N4BP1: variants seen among roughly 807,000 people sequenced by gnomAD.
N4BP1 encodes NEDD4 binding protein 1, also known as NEDD4-binding protein 1.
A neutral mutation model predicts 70.9 loss-of-function variants in N4BP1; 21 were observed. The observed-to-expected ratio is 0.30, with a 90% CI of 0.21 to 0.43. The LOEUF is 0.43. Ranked by LOEUF, N4BP1 falls within the 20% of genes least tolerant of loss-of-function variation. The probability of loss-of-function intolerance (pLI) is 1.00; values close to 1 mark genes in which losing one functional copy is unlikely to be tolerated. For missense variants in N4BP1, 936 were observed against 1,069.4 expected (o/e 0.88, Z 1.74); for synonymous variants, 387 against 394.6 (o/e 0.98, Z 0.23).
rs1430066277 is a variant in N4BP1, at chr16:48,561,230, T to C, written c.1413A>G (p.Lys471=). 1 of 1,613,898 alleles carries C rather than the reference T, an allele frequency of 6.2e-7. No individual in the cohort carries two copies. Among genetic ancestry groups the C allele is most frequent in the Non-Finnish European group, 8.5e-7 (1 of 1,179,896 alleles). ...TCTGGTTTGAACCCCAGACTTCATG[T>C]TTCTGTTCTATTGGCACTGTTCTGA... is the stretch of plus-strand genomic sequence containing the variant. ...NTFRTVPIEQ[K]HEVWGSNQNY... The change falls in exon 2 of 7, where the codon AAA becomes AAG. Residue 471 remains lysine (K), a synonymous_variant. Coordinates refer to ENST00000262384, the MANE Select transcript of N4BP1 (RefSeq NM_153029.4).
At chr16:48,588,974 C>A (rs1328115427) in intron 1 of N4BP1, among the ~76,000 whole-genome samples, 2 of 152,184 alleles carry the variant, frequency 1.3e-5, no homozygotes, top group African/African-American at 2.4e-5. Context: ...AAAAGTTTGC[C>A]AATGTACATC....
chr16:48,597,569 A>T (rs1034509409), intron 1 of N4BP1, among the ~76,000 whole-genome samples: 6 of 152,216 alleles, frequency 3.9e-5, no homozygotes, highest in African/African-American at 1.2e-4. Flanking sequence ...AGCTGATGCT[A>T]ACCAGTTTGA....
chr16:48,573,553 A>G (rs62059434), intron 1 of N4BP1, among the ~76,000 whole-genome samples: 8 of 152,136 alleles, frequency 5.3e-5, no homozygotes, highest in Non-Finnish European at 1.0e-4. Context: ...AGATCATGCA[A>G]CTGAACTCCA....
rs1963589537 is a variant in N4BP1 at position 48,546,182 on chromosome 16, T to C, written c.2298A>G (p.Arg766=). ...PDDPLGRSGP[R]LEEFLQKEVC... Reference sequence around the variant, plus strand: ...CTTCCTTCTGAAGAAACTCCTCTAATCGAGGTCCACTTCTTCCCAGAGGAT... The same window carrying C: ...CTTCCTTCTGAAGAAACTCCTCTAACCGAGGTCCACTTCTTCCCAGAGGAT... The change falls in exon 6 of 7, where the codon CGA becomes CGG. Residue 766 remains arginine, a synonymous_variant. Transcript: ENST00000262384. 4 of 1,613,010 alleles carry C rather than the reference T, an allele frequency of 2.5e-6. No individual in the cohort carries two copies. Among genetic ancestry groups the C allele is most frequent in the Non-Finnish European group, 3.4e-6 (4 of 1,179,526 alleles).
At chr16:48,572,437 C>T (rs1199932101) in intron 1 of N4BP1, among the ~76,000 whole-genome samples, 1 of 152,048 alleles carries the variant, frequency 6.6e-6, no homozygotes, top group Non-Finnish European at 1.5e-5. Flanking sequence ...GGAGGGGGGA[C>T]AGGCAGGCAG....
rs201620094 is a variant in N4BP1 at position 48,561,804 on chromosome 16, C to T, written c.839G>A (p.Arg280Lys). ...TPDEEALSNE[R>K]ICQKRRFSDS... ...AGAAAATCTCCTTTTCTGACAAATT[C>T]TCTCATTGGAAAGTGCCTCTTCATC... Residue 280 changes from arginine to lysine, a missense_variant, in exon 2 of 7, where the codon AGA (arginine) becomes AAA (lysine). Arg to Lys is a conservative substitution (Grantham distance 26). Around this residue, in one of 4 missense-constraint regions of N4BP1, gnomAD observed 515 missense variants for 491.7 expected, o/e 1.05. Transcript: ENST00000262384. 4.2e-5 allele frequency: 68 copies of T among 1,613,582 alleles called. No individual in the cohort carries two copies. The highest frequency in any genetic ancestry group is 5.3e-5 in the Non-Finnish European group (62 of 1,179,864).
At chr16:48,574,046 T>C (rs1261097476) in intron 1 of N4BP1, among the ~76,000 whole-genome samples, 1 of 152,132 alleles carries the variant, frequency 6.6e-6, no homozygotes, top group Non-Finnish European at 1.5e-5. Flanking sequence ...TGTTCAAGGG[T>C]CAACTGCTTA....
At chr16:48,570,856 T>C (rs1018460215) in intron 1 of N4BP1, among the ~76,000 whole-genome samples, 6 of 152,186 alleles carry the variant, frequency 3.9e-5, no homozygotes, top group African/African-American at 1.4e-4. Context: ...AGTCTCACTC[T>C]GTCACCCAGC....
chr16:48,597,671 A>C (rs1964436413), intron 1 of N4BP1, among the ~76,000 whole-genome samples: 1 of 152,102 alleles, frequency 6.6e-6, no homozygotes, highest in African/African-American at 2.4e-5. Flanking sequence ...CCAATGAATG[A>C]TATCTACACT....
intron 1 of N4BP1, among the ~76,000 whole-genome samples, chr16:48,601,591 C>T (rs972969893): frequency 2.6e-5 from 4 of 152,112 alleles, no homozygotes; most frequent in Admixed American, 6.5e-5. Context: ...TACTTTCAGA[C>T]GTGGATTTAT....
chr16:48,603,955 G>A (rs956982559), intron 1 of N4BP1, among the ~76,000 whole-genome samples: 2 of 152,108 alleles, frequency 1.3e-5, no homozygotes, highest in African/African-American at 4.8e-5. Flanking sequence ...TTGCTCTATT[G>A]CACTTCAGAC....
intron 1 of N4BP1, among the ~76,000 whole-genome samples, chr16:48,581,015 C>T (rs1463747860): frequency 6.6e-6 from 1 of 151,916 alleles, no homozygotes; most frequent in Non-Finnish European, 1.5e-5. Flanking sequence ...AACCAATCAC[C>T]CACAAATGAC....
At chr16:48,547,599 G>C (rs1216421883) in intron 5 of N4BP1, among the ~76,000 whole-genome samples, 1 of 152,244 alleles carries the variant, frequency 6.6e-6, no homozygotes, top group African/African-American at 2.4e-5. Flanking sequence ...AGCCCAGTCA[G>C]CACACATTGC....
At chr16:48,590,583 C>A (rs139170841) in intron 1 of N4BP1, among the ~76,000 whole-genome samples, 1 of 152,192 alleles carries the variant, frequency 6.6e-6, no homozygotes, top group Non-Finnish European at 1.5e-5. Flanking sequence ...CCAGCCCAAG[C>A]GGCTGCCTAG....
intron 1 of N4BP1, among the ~76,000 whole-genome samples, chr16:48,575,779 G>T (rs1023967665): frequency 2.0e-5 from 3 of 152,146 alleles, no homozygotes; most frequent in African/African-American, 7.2e-5. Context: ...CAAACAGAGC[G>T]AAAAACAAAT....
At chr16:48,605,351 C>G (rs576134526) in intron 1 of N4BP1, among the ~76,000 whole-genome samples, 1 of 152,152 alleles carries the variant, frequency 6.6e-6, no homozygotes, top group African/African-American at 2.4e-5. Context: ...AATTCTAACT[C>G]GTCTCACCCC....
At chr16:48,565,244 A>G (rs1567433289) in intron 1 of N4BP1, among the ~76,000 whole-genome samples, 1 of 152,234 alleles carries the variant, frequency 6.6e-6, no homozygotes, top group African/African-American at 2.4e-5. Flanking sequence ...AATGATCTAC[A>G]GGGAAGCACT....
At chr16:48,594,001 C>CAAAAAAAAAAAAAAAAAAAAAAAA (rs750355255) in intron 1 of N4BP1, among the ~76,000 whole-genome samples, 1 of 42,530 alleles carries the variant, frequency 2.4e-5, no homozygotes, top group African/African-American at 8.8e-5. Flanking sequence ...GACTCCGTCT[C>CAAAAAAAAAAAAAAAAAAAAAAAA]AAAAAAAAAA....
intron 1 of N4BP1, among the ~76,000 whole-genome samples, chr16:48,570,775 G>A (rs1190705930): frequency 1.3e-5 from 2 of 152,134 alleles, no homozygotes; most frequent in South Asian, 4.1e-4. Context: ...CTGACAGGGT[G>A]GAGTATGCTT....
Sources: gnomAD v4.1 joint callset for allele counts (sites outside exome capture counted in the v4.1 genomes callset) on GRCh38, gnomAD v4.1.1 for gene constraint, gnomAD v4.1.1 regional missense constraint, MANE v1.5 for transcripts, NCBI Gene and HGNC (gene_info 2026-07-23, HGNC 2026-07-21) for gene names.